ELMO1: variants seen among roughly 807,000 people sequenced by gnomAD.
ELMO1 encodes engulfment and cell motility protein 1.
In ELMO1, 26 loss-of-function variants were observed where a neutral mutation model predicts 98.9. The observed-to-expected ratio is 0.26, with a 90% CI of 0.19 to 0.36. ELMO1 has a LOEUF of 0.36. Among genes scored for constraint, ELMO1 ranks in the 10% least tolerant of loss-of-function variants. The pLI is 1.00. For missense variants in ELMO1, 627 were observed against 935.2 expected (o/e 0.67, Z 4.30); for synonymous variants, 346 against 346.0 (o/e 1.00, Z 0.00).
intron 4 of ELMO1, among the ~76,000 whole-genome samples, chr7:37,285,981 A>G (rs1797374170): frequency 6.6e-6 from 1 of 152,142 alleles, no homozygotes; most frequent in East Asian, 1.9e-4. Context: ...GAAAGCCACA[A>G]AGTGCTACAG....
intron 6 of ELMO1, among the ~76,000 whole-genome samples, chr7:37,254,495 A>T (rs1031423373): frequency 6.6e-6 from 1 of 152,226 alleles, no homozygotes; most frequent in African/African-American, 2.4e-5. Flanking sequence ...ACACAAACAT[A>T]CATGGTATAG....
At chr7:37,284,987 T>G (rs1326087182) in intron 4 of ELMO1, among the ~76,000 whole-genome samples, 1 of 152,214 alleles carries the variant, frequency 6.6e-6, no homozygotes, top group Non-Finnish European at 1.5e-5. Context: ...GCCTCAGGCC[T>G]CCTGCACCCG....
intron 15 of ELMO1, among the ~76,000 whole-genome samples, chr7:37,085,029 T>C (rs1031267566): frequency 1.2e-4 from 18 of 152,274 alleles, no homozygotes; most frequent in African/African-American, 4.3e-4. Context: ...AGTGGTTGGA[T>C]TACAGGTGTA....
chr7:37,202,846 C>A (rs1195390923), intron 13 of ELMO1, among the ~76,000 whole-genome samples: 2 of 152,130 alleles, frequency 1.3e-5, no homozygotes, highest in African/African-American at 4.8e-5. Flanking sequence ...GTCCCAATGG[C>A]TTAGGATGTA....
In ELMO1 at chr7:37,233,080, C is replaced by T; in HGVS notation, c.549+15G>A. 6.2e-7 allele frequency: 1 copy of T among 1,603,610 alleles called. No homozygotes were observed. The highest frequency in any genetic ancestry group is 8.5e-7 in the Non-Finnish European group (1 of 1,173,220). On this transcript the variant is annotated intron_variant, in intron 8 of 21. Transcript: ENST00000310758. ...AGACAGTAAGGAAAGCCTAAAGAGG[C>T]AGAGTCCACCTTACCTTCTTAATGA...
intron 16 of ELMO1, among the ~76,000 whole-genome samples, chr7:36,938,032 T>C (rs1216646118): frequency 6.6e-6 from 1 of 152,194 alleles, no homozygotes. Flanking sequence ...ACGGCCACCA[T>C]AACAGACTTG....
chr7:36,951,278 TA>T (rs1185652413), intron 16 of ELMO1, among the ~76,000 whole-genome samples: 1 of 152,216 alleles, frequency 6.6e-6, no homozygotes, highest in Non-Finnish European at 1.5e-5. Flanking sequence ...TTAACTAGGT[TA>T]AAATCCTATC....
At chr7:37,179,122 C>T (rs538196770) in intron 13 of ELMO1, among the ~76,000 whole-genome samples, 6 of 152,014 alleles carry the variant, frequency 3.9e-5, no homozygotes, top group Admixed American at 3.3e-4. Context: ...ACTATGGCTG[C>T]GACAGTTCAG....
chr7:36,996,741 A>T (rs1792242077), intron 16 of ELMO1, among the ~76,000 whole-genome samples: 1 of 152,210 alleles, frequency 6.6e-6, no homozygotes, highest in African/African-American at 2.4e-5. Context: ...AGGGCCCATG[A>T]GTTGGGCCTT....
At chr7:37,263,263 A>G (rs1421317233) in intron 5 of ELMO1, among the ~76,000 whole-genome samples, 1 of 150,190 alleles carries the variant, frequency 6.7e-6, no homozygotes, top group Non-Finnish European at 1.5e-5. Context: ...AATTTTATAT[A>G]TTTTATATAT....
intron 16 of ELMO1, among the ~76,000 whole-genome samples, chr7:36,912,861 AT>A (rs1218413412): frequency 1.3e-5 from 2 of 152,218 alleles, no homozygotes; most frequent in African/African-American, 4.8e-5. Context: ...GTTGAAAAGA[AT>A]TTTTGGTGCA....
chr7:37,387,097 T>A (rs1460320791), intron 1 of ELMO1, among the ~76,000 whole-genome samples: 1 of 152,090 alleles, frequency 6.6e-6, no homozygotes, highest in Non-Finnish European at 1.5e-5. Flanking sequence ...GCATAAAGAA[T>A]AAACCCACAG....
At chr7:37,114,952 T>C (rs1401036799) in intron 14 of ELMO1, among the ~76,000 whole-genome samples, 2 of 152,052 alleles carry the variant, frequency 1.3e-5, no homozygotes, top group African/African-American at 4.8e-5. Flanking sequence ...ATGTATATAA[T>C]AAAGGAATAT....
At chr7:37,057,082 C>T (rs1197200667) in intron 15 of ELMO1, among the ~76,000 whole-genome samples, 2 of 152,210 alleles carry the variant, frequency 1.3e-5, no homozygotes, top group African/African-American at 2.4e-5. Flanking sequence ...GGGCTTAACA[C>T]ATAATTGTTA....
At chr7:37,036,224 C>A (rs994634332) in intron 15 of ELMO1, among the ~76,000 whole-genome samples, 2 of 151,444 alleles carry the variant, frequency 1.3e-5, no homozygotes, top group Non-Finnish European at 2.9e-5. Context: ...AAAAAAAAAA[C>A]CATGCATAAG....
chr7:37,448,450 C>G (rs912651383), intron 1 of ELMO1, among the ~76,000 whole-genome samples: 3 of 152,112 alleles, frequency 2.0e-5, no homozygotes, highest in African/African-American at 7.2e-5. Context: ...CAGACTTCCC[C>G]AACTGCAGAG....
At chr7:37,159,312 T>C (rs960451417) in intron 13 of ELMO1, among the ~76,000 whole-genome samples, 11 of 151,390 alleles carry the variant, frequency 7.3e-5, no homozygotes, top group Non-Finnish European at 1.3e-4. Context: ...AATAAAAGAA[T>C]AGGCTTATGG....
chr7:37,106,765 T>C (rs1473731717), intron 14 of ELMO1, among the ~76,000 whole-genome samples: 2 of 152,164 alleles, frequency 1.3e-5, no homozygotes, highest in African/African-American at 4.8e-5. Context: ...GCATACTCTT[T>C]AATGCAAACC....
At chr7:37,171,594 G>T (rs974197985) in intron 13 of ELMO1, among the ~76,000 whole-genome samples, 5 of 135,954 alleles carry the variant, frequency 3.7e-5, no homozygotes, top group African/African-American at 1.4e-4. Flanking sequence ...CCAGATTCAT[G>T]CCATTCTCCT....
Sources: gnomAD v4.1 joint callset for allele counts (sites outside exome capture counted in the v4.1 genomes callset) on GRCh38, gnomAD v4.1.1 for gene constraint, MANE v1.5 for transcripts, NCBI Gene and HGNC (gene_info 2026-07-23, HGNC 2026-07-21) for gene names.